The following SLC6A2 variants were observed in gnomAD, a reference collection of about 807,000 sequenced individuals.
The protein encoded by SLC6A2 is solute carrier family 6 member 2.
A neutral mutation model predicts 71.7 loss-of-function variants in SLC6A2; 26 were observed. The ratio of observed to expected loss-of-function variants is 0.36; its 90% CI spans 0.27 to 0.50. The LOEUF (loss-of-function observed/expected upper bound fraction) is 0.50. Ranked by LOEUF, SLC6A2 falls within the 20% of genes least tolerant of loss-of-function variation. SLC6A2 has a pLI of 0.96. For synonymous variants in SLC6A2, 363 were observed against 337.9 expected, an observed-to-expected ratio of 1.07 and a Z score of -0.82; for missense variants, 581 against 803.9, an observed-to-expected ratio of 0.72 and a Z score of 3.35.
intron 2 of SLC6A2, among the ~76,000 whole-genome samples, chr16:55,663,265 G>C (rs1037591656): frequency 6.6e-6 from 1 of 152,174 alleles, no homozygotes; most frequent in South Asian, 2.1e-4. Flanking sequence ...TTGGGAGGAG[G>C]GGCCTAGTGA....
chr16:55,669,788 A>G, intron 3 of SLC6A2, 92 bp downstream of exon 3: 1 of 1,396,276 alleles, frequency 7.2e-7, no homozygotes, highest in South Asian at 1.2e-5. Context: ...TCTAAGGTAG[A>G]CCTCCTGTCA....
At chr16:55,692,876 A>T (rs775182311) in intron 6 of SLC6A2, among the ~76,000 whole-genome samples, 17 of 152,192 alleles carry the variant, frequency 1.1e-4, no homozygotes, top group Non-Finnish European at 2.2e-4. Flanking sequence ...CCAAGAGAAA[A>T]CCTATTTTCA....
chr16:55,691,789 A>G, intron 5 of SLC6A2, 129 bp from the exon 6 acceptor site: 2 of 1,064,896 alleles, frequency 1.9e-6, no homozygotes, highest in East Asian at 2.5e-5. Flanking sequence ...AACTTGTAGC[A>G]TGTGCTTTGG....
At chr16:55,680,929 G>A (rs1218030342) in intron 4 of SLC6A2, among the ~76,000 whole-genome samples, 2 of 152,056 alleles carry the variant, frequency 1.3e-5, no homozygotes, top group African/African-American at 4.8e-5. Context: ...ATTGGTCTGG[G>A]TAGACCTTGA....
intron 5 of SLC6A2, 130 bp from the exon 6 acceptor site, chr16:55,691,788 C>A: frequency 9.5e-7 from 1 of 1,048,588 alleles, no homozygotes; most frequent in Non-Finnish European, 1.4e-6. Flanking sequence ...GAACTTGTAG[C>A]ATGTGCTTTG....
chr16:55,685,133 C>T lies in SLC6A2; in HGVS notation c.645-10C>T. The T allele has an allele frequency of 1.2e-6, 2 of 1,614,126 alleles. No individual in the cohort carries two copies. The highest frequency in any genetic ancestry group is 8.5e-7 in the Non-Finnish European group (1 of 1,180,002). ...ATTTACCCTGGTCCCCTCCCCTCTC[C>T]TCTGGGCAGGCGTGGTGTCCTGCAC... is the stretch of plus-strand genomic sequence containing the variant. On this transcript the variant is annotated splice_polypyrimidine_tract_variant and intron_variant, in intron 4 of 14. Coordinates refer to ENST00000568943, the MANE Select transcript of SLC6A2 (RefSeq NM_001172501.3).
chr16:55,676,509 A>G (rs1056199736), intron 4 of SLC6A2, among the ~76,000 whole-genome samples: 2 of 152,196 alleles, frequency 1.3e-5, no homozygotes, highest in Admixed American at 1.3e-4. Context: ...AAACCCTGAG[A>G]GTGCGCATCT....
rs1471605744 is a variant in SLC6A2, at chr16:55,656,750, C to A, written c.56C>A (p.Thr19Lys). 1.2e-6 allele frequency: 2 copies of A among 1,613,114 alleles called. No individual in the cohort carries two copies. Among genetic ancestry groups the A allele is most frequent in the Non-Finnish European group, 1.7e-6 (2 of 1,179,906 alleles). ...QVQPENNGADTGPEQPLRARK... is the reference protein window; with the variant it reads ...QVQPENNGADKGPEQPLRARK... ...CAGCCCGAGAACAACGGGGCGGACACGGGTCCAGAGCAGCCCCTTCGGGCG... is the reference window on the plus strand; with the variant it reads ...CAGCCCGAGAACAACGGGGCGGACAAGGGTCCAGAGCAGCCCCTTCGGGCG... Residue 19 changes from threonine to lysine, a missense_variant, in exon 2 of 15, where the codon ACG becomes AAG. By Grantham distance (78) the Thr-to-Lys change is moderately conservative. Around this residue, in one of 5 missense-constraint regions of SLC6A2, gnomAD observed 76 missense variants for 79.9 expected, o/e 0.95. Transcript: ENST00000568943. The surrounding 1 kb of genome is among the most constrained non-coding windows in gnomAD (Gnocchi z 4.5).
In SLC6A2 at chr16:55,705,251, C is replaced by T; in HGVS notation, c.*2905C>T. The T allele has an allele frequency of 1.3e-6, 2 of 1,536,254 alleles. No individual in the cohort carries two copies. The highest frequency in any genetic ancestry group is 1.7e-6 in the Non-Finnish European group (2 of 1,146,750). ...GACAAGGGAGAAGGAGAGCTACCAA[C>T]TCTTGCCAGATATCCTGCTGAACAG... On this transcript the variant is annotated 3_prime_UTR_variant, in exon 15 of 15. Transcript: ENST00000568943.
chr16:55,658,718 A>G (rs28665972), intron 2 of SLC6A2, among the ~76,000 whole-genome samples: 113,311 of 152,132 alleles, frequency 0.74, 42,373 homozygotes, highest in African/African-American at 0.81. Context: ...AGATAGCTGG[A>G]ACAGCAGTCC....
chr16:55,698,016 C>T lies in SLC6A2; in HGVS notation c.1380C>T (p.Cys460=). 6.2e-7 allele frequency: 1 copy of T among 1,614,136 alleles called. No individual in the cohort carries two copies. Among genetic ancestry groups the T allele is most frequent in the Non-Finnish European group, 8.5e-7 (1 of 1,180,018 alleles). ...GCACTTTCCTTCTCGCCCTGTTCTGCATAACCAAGGTGAGTAGGGGCTGGG... is the reference window on the plus strand; with the variant it reads ...GCACTTTCCTTCTCGCCCTGTTCTGTATAACCAAGGTGAGTAGGGGCTGGG... ...TFSTFLLALF[C]ITKGGIYVLT... Residue 460 remains cysteine (C), a synonymous_variant, in exon 10 of 15, where the codon TGC becomes TGT. Coordinates refer to ENST00000568943, the MANE Select transcript of SLC6A2 (RefSeq NM_001172501.3).
chr16:55,657,316 G>T (rs527681962), intron 2 of SLC6A2, among the ~76,000 whole-genome samples: 1 of 152,112 alleles, frequency 6.6e-6, no homozygotes, highest in Non-Finnish European at 1.5e-5. Context: ...TTGGGTGGGG[G>T]AGCCTGACCT....
At chr16:55,694,704 G>A (rs1965740076) in intron 7 of SLC6A2, among the ~76,000 whole-genome samples, 1 of 152,222 alleles carries the variant, frequency 6.6e-6, no homozygotes, top group Non-Finnish European at 1.5e-5. Flanking sequence ...ACAGGCTATA[G>A]GGAGGTAAGG....
intron 4 of SLC6A2, among the ~76,000 whole-genome samples, chr16:55,674,266 T>C (rs1157610864): frequency 6.6e-6 from 1 of 152,106 alleles, no homozygotes. Context: ...TAGCTTCCAC[T>C]TATAAGTAAG....
chr16:55,674,972 G>A (rs757788413), intron 4 of SLC6A2, among the ~76,000 whole-genome samples: 50 of 152,300 alleles, frequency 3.3e-4, no homozygotes, highest in Middle Eastern at 3.4e-3. Flanking sequence ...CCCACCAACA[G>A]TGTATAAGCA....
chr16:55,695,793 G>A (rs1965779133), intron 8 of SLC6A2, among the ~76,000 whole-genome samples: 1 of 152,204 alleles, frequency 6.6e-6, no homozygotes. Context: ...CCCAGCTAGT[G>A]AGCAATTGTG....
intron 14 of SLC6A2, 69 bp downstream of exon 14, chr16:55,702,003 T>A: frequency 8.7e-7 from 1 of 1,154,516 alleles, no homozygotes; most frequent in Non-Finnish European, 1.3e-6. Context: ...TGCTGTGCAC[T>A]GCCCAAGGCT....
intron 5 of SLC6A2, among the ~76,000 whole-genome samples, chr16:55,689,870 A>G (rs1282818326): frequency 1.3e-5 from 2 of 152,210 alleles, no homozygotes; most frequent in East Asian, 3.8e-4. Flanking sequence ...TGATGGAGAA[A>G]CAAGTGGATA....
In SLC6A2 at chr16:55,685,271, C is replaced by T. The variant is rs373891109; in HGVS notation, c.773C>T (p.Thr258Ile). ...LYFSLWKGVK[T>I]SGKVVWITAT... ...TTTAGCCTCTGGAAAGGGGTGAAGA[C>T]ATCAGGAAAGGTAATATCTCTGTGT... is the stretch of plus-strand genomic sequence containing the variant. Residue 258 changes from threonine to isoleucine, a missense_variant, in exon 5 of 15, where the codon ACA (threonine) becomes ATA (isoleucine). Physicochemically the swap from Thr to Ile is moderately conservative, Grantham distance 89. This residue lies in a region of SLC6A2 where 3 missense variants were observed against 23.1 expected (regional missense o/e 0.13). Transcript: ENST00000568943. 1 of 1,613,990 alleles carries T rather than the reference C, an allele frequency of 6.2e-7. No homozygotes were observed. The highest frequency in any genetic ancestry group is 8.5e-7 in the Non-Finnish European group (1 of 1,179,952).
Sources: gnomAD v4.1 joint callset for allele counts (sites outside exome capture counted in the v4.1 genomes callset) on GRCh38, gnomAD v4.1.1 for gene constraint, gnomAD v4.1.1 regional missense constraint, Gnocchi (gnomAD v3.1) non-coding constraint, MANE v1.5 for transcripts, NCBI Gene and HGNC (gene_info 2026-07-23, HGNC 2026-07-21) for gene names.